Variants in VNN2 observed in about 807,000 individuals in gnomAD.
VNN2 encodes vanin 2.
Under a neutral mutation model 43.0 loss-of-function variants are expected in VNN2, and 43 were observed. The observed-to-expected ratio is 1.00, with a 90% CI of 0.78 to 1.29. The LOEUF (loss-of-function observed/expected upper bound fraction) is 1.29. Ranked by LOEUF, VNN2 falls within the 50% of genes most tolerant of loss-of-function variation. VNN2 has a pLI of 0.00. For missense variants in VNN2, 652 were observed against 619.7 expected (o/e 1.05, Z -0.55); for synonymous variants, 230 against 224.3 (o/e 1.03, Z -0.23).
rs754061178 is a variant in VNN2, at chr6:132,752,753, C to A, written c.538-4G>T. 2 of 1,608,570 alleles carry A rather than the reference C, an allele frequency of 1.2e-6. No individual in the cohort carries two copies. The highest frequency in any genetic ancestry group is 1.7e-6 in the Non-Finnish European group (2 of 1,177,512). On this transcript the variant is annotated splice_polypyrimidine_tract_variant and splice_region_variant and intron_variant, in intron 3 of 6. Transcript: ENST00000326499. Reference sequence around the variant, plus strand: ...GAGGCTCAGAGTACAGGTGGTACTACAACAAATGGATAGGAGAAAACCAGT... The same window carrying A: ...GAGGCTCAGAGTACAGGTGGTACTAAAACAAATGGATAGGAGAAAACCAGT...
chr6:132,748,778 A>G (rs1223493684), intron 6 of VNN2, among the ~76,000 whole-genome samples: 1 of 152,248 alleles, frequency 6.6e-6, no homozygotes, highest in Non-Finnish European at 1.5e-5. Context: ...TAATTTATGA[A>G]CAAATGCTGG....
intron 6 of VNN2, among the ~76,000 whole-genome samples, chr6:132,748,830 C>T (rs1361493318): frequency 6.6e-6 from 1 of 152,180 alleles, no homozygotes. Flanking sequence ...ACTCAGGAGG[C>T]TGAGGCAGGA....
At position 132,755,855 on chromosome 6, in the gene VNN2, T is replaced by C; in HGVS notation, c.525A>G (p.Ala175=). 1 of 1,612,360 alleles carries C rather than the reference T, an allele frequency of 6.2e-7. No individual in the cohort carries two copies. The change falls in exon 3 of 7, where the codon GCA becomes GCG. Residue 175 remains alanine (A), a synonymous_variant. Coordinates refer to ENST00000326499, the MANE Select transcript of VNN2 (RefSeq NM_004665.6). ...VVYNTEGKLV[A]RYHKYHLYSE... ...CACTCTCTCTTACCTTATGGTAACG[T>C]GCCACGAGTTTTCCTTCTGTATTAT...
At chr6:132,757,632 C>T in intron 1 of VNN2, 39 bp downstream of exon 1, 1 of 1,608,788 alleles carries the variant, frequency 6.2e-7, no homozygotes, top group Non-Finnish European at 8.5e-7. Flanking sequence ...GCTCCCATGC[C>T]CCTCGTGTAC....
chr6:132,760,305 G>T (rs979648218), upstream of VNN2, among the ~76,000 whole-genome samples: 1 of 152,144 alleles, frequency 6.6e-6, no homozygotes, highest in African/African-American at 2.4e-5. Flanking sequence ...CTCGCTAGTA[G>T]CTGGAACACC....
chr6:132,759,267 C>G (rs1409351091), upstream of VNN2, among the ~76,000 whole-genome samples: 1 of 151,608 alleles, frequency 6.6e-6, no homozygotes, highest in South Asian at 2.1e-4. Context: ...TGGAACCCCC[C>G]ATCTCTACCA....
chr6:132,752,788 T>C (rs1330067785), intron 3 of VNN2, 39 bp from the exon 4 acceptor site: 1 of 1,567,820 alleles, frequency 6.4e-7, no homozygotes, highest in Non-Finnish European at 8.6e-7. Context: ...TAAAACCTTA[T>C]TTGTTGAAGA....
chr6:132,744,628 G>T, intron 6 of VNN2, 137 bp from the exon 7 acceptor site: 2 of 822,044 alleles, frequency 2.4e-6, no homozygotes, highest in Non-Finnish European at 3.5e-6. Flanking sequence ...AAGTAGGCCA[G>T]GCAGGGGACA....
upstream of VNN2, chr6:132,758,147 C>A (rs140436911): frequency 3.1e-6 from 1 of 324,496 alleles, no homozygotes; most frequent in Admixed American, 4.7e-5. Context: ...CAGGTTCAAG[C>A]GATTGTCCTT....
chr6:132,755,519 A>T (rs1290373372), intron 3 of VNN2, among the ~76,000 whole-genome samples: 1 of 151,654 alleles, frequency 6.6e-6, no homozygotes, highest in African/African-American at 2.4e-5. Context: ...GACTACAGGC[A>T]TGTGCCATCA....
chr6:132,751,417 A>G lies in VNN2; in HGVS notation c.928T>C (p.Ser310Pro), dbSNP rs1407997721. Residue 310 changes from serine to proline, a missense_variant, in exon 5 of 7, where the codon TCC (serine) becomes CCC (proline). By Grantham distance (74) the Ser-to-Pro change is moderately conservative (BLOSUM62 -1). Transcript: ENST00000326499. ...ACAGCTGTTGGGTAGGCAAGCGAGG[A>G]TAGGGGATGTGAATCCACCTCTGAA... ...LLSEVDSHPL[S>P]SLAYPTAVNW... The G allele has an allele frequency of 1.2e-6, 2 of 1,614,182 alleles. No homozygotes were observed. The highest frequency in any genetic ancestry group is 1.1e-5 in the South Asian group (1 of 91,082).
chr6:132,758,248 T>C (rs1780625054), upstream of VNN2, among the ~76,000 whole-genome samples: 1 of 151,944 alleles, frequency 6.6e-6, no homozygotes, highest in Non-Finnish European at 1.5e-5. Context: ...TTTCACAATA[T>C]TGGCCAGGCT....
At chr6:132,752,931 A>G in intron 3 of VNN2, 182 bp from the exon 4 acceptor site, 2 of 620,368 alleles carry the variant, frequency 3.2e-6, no homozygotes, top group South Asian at 4.2e-5. Context: ...TATGTAACAT[A>G]CGTCCATAGC....
rs772416196 is a variant in VNN2, at chr6:132,757,376, A to G, written c.344+40T>C. On this transcript the variant is annotated intron_variant, in intron 2 of 6. Coordinates refer to ENST00000326499, the MANE Select transcript of VNN2 (RefSeq NM_004665.6). The stretch of plus-strand genomic sequence containing the variant: ...GCTTTGGTGAACGTGCGCATTTTAG[A>G]GAGTTACTTTTGCACAAAAGACTAA... 3 of 1,557,176 alleles carry G rather than the reference A, an allele frequency of 1.9e-6. No individual in the cohort carries two copies. The South Asian group carries it at 3.6e-5, about 19-fold the overall frequency.
Position 132,750,497 on chromosome 6 carries a change from G to GTGTATGTATATATGTGTGTA in VNN2, c.1201-633_1201-632insTACACACATATATACATACA. Reference sequence around the variant, plus strand: ...TCTACTAAAAATATTTTGTATATGTGTATATATATATATATATTTTTCCAG... The same window carrying GTGTATGTATATATGTGTGTA: ...TCTACTAAAAATATTTTGTATATGTGTGTATGTATATATGTGTGTATATATATATATATATATTTTTCCAG... On this transcript the variant is annotated intron_variant, in intron 5 of 6. Coordinates refer to ENST00000326499, the MANE Select transcript of VNN2 (RefSeq NM_004665.6). Among the ~76,000 whole-genome samples, 2 of 103,684 alleles carry GTGTATGTATATATGTGTGTA rather than the reference G, an allele frequency of 1.9e-5. 1 individual carries two copies. Among genetic ancestry groups the GTGTATGTATATATGTGTGTA allele is most frequent in the Non-Finnish European group, 4.0e-5 (2 of 49,908 alleles). 68.0% of individuals were successfully genotyped at this position (103,684 alleles called of 152,430 possible).
At position 132,752,537 on chromosome 6, in the gene VNN2, G is replaced by T. The variant is rs1330827694; in HGVS notation, c.750C>A (p.Phe250Leu). 7 of 1,614,146 alleles carry T rather than the reference G, an allele frequency of 4.3e-6. No homozygotes were observed. Among genetic ancestry groups the T allele is most frequent in the Non-Finnish European group, 5.1e-6 (6 of 1,180,016 alleles). The part of the protein sequence containing the change: ...NVLPLLTAIE[F>L]HSAWAMGMGV... ...CCATTCCCATTGCCCAAGCTGAATG[G>T]AATTCAATAGCTGTCAAAAGGGGCA... The change falls in exon 4 of 7, where the codon TTC (phenylalanine) becomes TTA (leucine). Residue 250 changes from phenylalanine (F) to leucine (L), a missense_variant. By Grantham distance (22) the Phe-to-Leu change is conservative. Coordinates refer to ENST00000326499, the MANE Select transcript of VNN2 (RefSeq NM_004665.6).
intron 1 of VNN2, chr6:132,763,306 A>G (rs1454809643): frequency 1.3e-5 from 2 of 152,234 alleles, no homozygotes; most frequent in Non-Finnish European, 2.9e-5. Context: ...CAATCCACCA[A>G]TAATGCCACT....
intron 3 of VNN2, 124 bp downstream of exon 3, chr6:132,755,715 AAAAC>A: frequency 9.2e-7 from 1 of 1,081,864 alleles, no homozygotes; most frequent in Non-Finnish European, 1.3e-6. Flanking sequence ...CAAAAAACAA[AAAAC>A]AAAACAAAAC....
intron 5 of VNN2, 101 bp downstream of exon 5, chr6:132,751,044 G>C: frequency 6.8e-7 from 1 of 1,460,120 alleles, no homozygotes; most frequent in East Asian, 2.3e-5. Context: ...AATGCATGGA[G>C]TCAAGCCAAG....
Sources: gnomAD v4.1 joint callset for allele counts (sites outside exome capture counted in the v4.1 genomes callset) on GRCh38, gnomAD v4.1.1 for gene constraint, MANE v1.5 for transcripts, NCBI Gene and HGNC (gene_info 2026-07-23, HGNC 2026-07-21) for gene names.